Variants in BANK1 observed in about 807,000 individuals in gnomAD.
The protein encoded by BANK1 is B-cell scaffold protein with ankyrin repeats.
BANK1 carries 95 observed loss-of-function variants against 94.5 expected under a neutral mutation model. That is an observed-to-expected ratio of 1.00 (90% CI 0.85 to 1.19). The LOEUF is 1.19. Ranked by LOEUF, BANK1 falls within the 50% of genes most tolerant of loss-of-function variation. BANK1 has a pLI of 0.00. For missense variants in BANK1, 987 were observed against 932.2 expected (o/e 1.06, Z -0.77); for synonymous variants, 334 against 308.4 (o/e 1.08, Z -0.87).
At chr4:101,871,358 A>G (rs1034798822) in intron 5 of BANK1, among the ~76,000 whole-genome samples, 3 of 152,066 alleles carry the variant, frequency 2.0e-5, no homozygotes, top group East Asian at 1.9e-4. Flanking sequence ...CTTCAAATTT[A>G]CCATAAAATT....
At chr4:101,801,254 T>C (rs1725347191) in intron 1 of BANK1, among the ~76,000 whole-genome samples, 1 of 152,208 alleles carries the variant, frequency 6.6e-6, no homozygotes, top group Non-Finnish European at 1.5e-5. Flanking sequence ...AATGTTTATA[T>C]TAATTGCATG....
At chr4:102,002,651 T>C (rs960262617) in intron 7 of BANK1, among the ~76,000 whole-genome samples, 2 of 152,042 alleles carry the variant, frequency 1.3e-5, no homozygotes, top group African/African-American at 4.8e-5. Context: ...GCTCAAGATA[T>C]ACACCTATAA....
intron 7 of BANK1, among the ~76,000 whole-genome samples, chr4:101,926,763 CT>C (rs1211815955): frequency 1.3e-5 from 2 of 151,636 alleles, no homozygotes; most frequent in African/African-American, 4.8e-5. Flanking sequence ...CTGAGGAGTA[CT>C]TTTTGGTAAC....
chr4:101,913,028 T>C (rs955500566), intron 6 of BANK1, among the ~76,000 whole-genome samples: 3 of 152,164 alleles, frequency 2.0e-5, no homozygotes, highest in African/African-American at 4.8e-5. Flanking sequence ...TAAAGGCCAA[T>C]AGGTAGCATT....
At chr4:101,849,017 C>T (rs891085820) in intron 2 of BANK1, among the ~76,000 whole-genome samples, 2 of 152,202 alleles carry the variant, frequency 1.3e-5, no homozygotes, top group African/African-American at 4.8e-5. Context: ...CTTGCTCTTA[C>T]TTCCCTGCAC....
At chr4:101,986,827 A>G (rs1214894695) in intron 7 of BANK1, among the ~76,000 whole-genome samples, 9 of 120,238 alleles carry the variant, frequency 7.5e-5, no homozygotes, top group African/African-American at 2.6e-4. Context: ...ATATGTGTAT[A>G]TATATGTATA....
intron 1 of BANK1, among the ~76,000 whole-genome samples, chr4:101,814,341 A>C (rs1725825384): frequency 6.6e-6 from 1 of 152,168 alleles, no homozygotes; most frequent in Non-Finnish European, 1.5e-5. Context: ...CATTGCTCTC[A>C]AGTCATGATT....
chr4:101,922,786 A>C (rs1723038826), intron 7 of BANK1, among the ~76,000 whole-genome samples: 1 of 151,872 alleles, frequency 6.6e-6, no homozygotes, highest in Admixed American at 6.6e-5. Context: ...AGAATAAGTC[A>C]CATAATTGCA....
intron 5 of BANK1, among the ~76,000 whole-genome samples, chr4:101,890,175 G>C (rs1721797439): frequency 2.0e-5 from 3 of 152,112 alleles, no homozygotes; most frequent in South Asian, 4.1e-4. Flanking sequence ...GATTGATGCT[G>C]ATTGGTTAGA....
At chr4:101,875,088 G>C (rs989717605) in intron 5 of BANK1, among the ~76,000 whole-genome samples, 4 of 152,110 alleles carry the variant, frequency 2.6e-5, no homozygotes, top group Non-Finnish European at 5.9e-5. Flanking sequence ...AAAAAATCAG[G>C]TGAGCACTTA....
At chr4:101,995,596 C>T (rs1725851910) in intron 7 of BANK1, among the ~76,000 whole-genome samples, 1 of 152,194 alleles carries the variant, frequency 6.6e-6, no homozygotes, top group Admixed American at 6.5e-5. Context: ...TCCACATCCT[C>T]TCCAGCATCG....
At chr4:101,909,975 A>C (rs1018937325) in intron 6 of BANK1, among the ~76,000 whole-genome samples, 1 of 152,188 alleles carries the variant, frequency 6.6e-6, no homozygotes, top group African/African-American at 2.4e-5. Flanking sequence ...GAGAAAGTCC[A>C]CTACTTTGTA....
chr4:101,946,439 T>C (rs1176604101), intron 7 of BANK1, among the ~76,000 whole-genome samples: 3 of 151,996 alleles, frequency 2.0e-5, no homozygotes, highest in African/African-American at 7.2e-5. Flanking sequence ...TCTTTACCTA[T>C]GTTTAGAATT....
At chr4:101,811,995 A>G (rs1466995357) in intron 1 of BANK1, among the ~76,000 whole-genome samples, 1 of 152,052 alleles carries the variant, frequency 6.6e-6, no homozygotes, top group Non-Finnish European at 1.5e-5. Context: ...TTAAATAACT[A>G]TTACATAAAC....
At chr4:101,913,420 T>G (rs955592886) in intron 6 of BANK1, among the ~76,000 whole-genome samples, 8 of 152,162 alleles carry the variant, frequency 5.3e-5, no homozygotes, top group African/African-American at 1.9e-4. Flanking sequence ...AGATTTAATT[T>G]TATTTGATGT....
intron 10 of BANK1, among the ~76,000 whole-genome samples, chr4:102,037,668 C>T (rs1290264761): frequency 6.6e-6 from 1 of 152,178 alleles, no homozygotes; most frequent in African/African-American, 2.4e-5. Context: ...CTGACACTTA[C>T]AGTTGTGTAA....
At chr4:101,792,430 A>G (rs1393646100) in intron 1 of BANK1, among the ~76,000 whole-genome samples, 2 of 142,806 alleles carry the variant, frequency 1.4e-5, no homozygotes, top group Non-Finnish European at 3.0e-5. Context: ...AGCTTTTATA[A>G]ATCCAGTGGT....
chr4:101,928,036 TAAC>T (rs1433025107), intron 7 of BANK1, among the ~76,000 whole-genome samples: 2 of 151,790 alleles, frequency 1.3e-5, no homozygotes, highest in East Asian at 3.9e-4. Flanking sequence ...ATTTTTGATT[TAAC>T]AACATGTGTA....
In BANK1 at chr4:101,801,355, A is replaced by G. The variant is rs79186816; in HGVS notation, c.70+10405A>G. Among the ~76,000 whole-genome samples the G allele has an allele frequency of 5.5e-3, 845 of 152,344 alleles. 15 individuals carry two copies. The East Asian group carries it at 0.07, about 13-fold the overall frequency. On this transcript the variant is annotated intron_variant, in intron 1 of 16. Transcript: ENST00000322953. ...TTTTATTTGTTGCAATATGGTTGCT[A>G]AAAACATTAAAATGACATATGTGCC...
Sources: gnomAD v4.1 joint callset for allele counts (sites outside exome capture counted in the v4.1 genomes callset) on GRCh38, gnomAD v4.1.1 for gene constraint, MANE v1.5 for transcripts, NCBI Gene and HGNC (gene_info 2026-07-23, HGNC 2026-07-21) for gene names.